The following CELF2 variants were observed in gnomAD, a reference collection of about 807,000 sequenced individuals.
CELF2 encodes CUGBP Elav-like family member 2, also known as CUG triplet repeat RNA-binding protein 2.
A neutral mutation model predicts 62.6 loss-of-function variants in CELF2; 8 were observed. The observed-to-expected ratio is 0.13, with a 90% CI of 0.07 to 0.23. CELF2 has a LOEUF of 0.23. Among genes scored for constraint, CELF2 ranks in the 10% least tolerant of loss-of-function variants. The pLI is 1.00. For synonymous variants in CELF2, 258 were observed against 250.0 expected, an observed-to-expected ratio of 1.03 and a Z score of -0.30; for missense variants, 333 against 671.0, an observed-to-expected ratio of 0.50 and a Z score of 5.56.
At chr10:10,637,498 C>T in the CELF2 span, among the ~76,000 whole-genome samples, 1 of 152,136 alleles carries the variant, frequency 6.6e-6, no homozygotes, top group African/African-American at 2.4e-5. Context: ...TCACGTCAGC[C>T]CTGGCTCTAG....
chr10:11,193,906 T>A (rs938959472), intron 2 of CELF2, among the ~76,000 whole-genome samples: 3 of 152,146 alleles, frequency 2.0e-5, no homozygotes, highest in Non-Finnish European at 4.4e-5. Context: ...GGTCCGGTCA[T>A]CTTCATTTTC....
the CELF2 span, among the ~76,000 whole-genome samples, chr10:10,772,403 G>T: frequency 6.6e-6 from 1 of 152,116 alleles, no homozygotes; most frequent in Non-Finnish European, 1.5e-5. Context: ...CAGTGTAAAT[G>T]GATACTTTTT....
At chr10:10,619,616 G>T in the CELF2 span, among the ~76,000 whole-genome samples, 2 of 152,144 alleles carry the variant, frequency 1.3e-5, no homozygotes, top group African/African-American at 4.8e-5. Context: ...CCTGGCCCTT[G>T]CCTGCCCTGG....
At chr10:11,044,418 A>G (rs1054216833) in intron 1 of CELF2, among the ~76,000 whole-genome samples, 2 of 152,032 alleles carry the variant, frequency 1.3e-5, no homozygotes, top group African/African-American at 4.8e-5. Flanking sequence ...TTTGCTGCCA[A>G]CCTATTTTGG....
At chr10:10,979,076 C>G (rs1457058527) in intron 2 of CELF2, among the ~76,000 whole-genome samples, 2 of 152,160 alleles carry the variant, frequency 1.3e-5, no homozygotes, top group East Asian at 3.9e-4. Flanking sequence ...ACCCCTGCCT[C>G]TCATTCTCTG....
chr10:10,515,513 C>T, the CELF2 span, among the ~76,000 whole-genome samples: 1 of 152,064 alleles, frequency 6.6e-6, no homozygotes, highest in Non-Finnish European at 1.5e-5. Context: ...GGTAAAAGAC[C>T]GAGTGATCCT....
At chr10:10,670,846 C>G in the CELF2 span, among the ~76,000 whole-genome samples, 2 of 151,992 alleles carry the variant, frequency 1.3e-5, no homozygotes, top group South Asian at 4.1e-4. Context: ...CAGTCTGTAG[C>G]CTTTTCAAAT....
intron 1 of CELF2, among the ~76,000 whole-genome samples, chr10:11,120,418 C>A (rs2057497247): frequency 6.6e-6 from 1 of 152,140 alleles, no homozygotes; most frequent in Admixed American, 6.6e-5. Flanking sequence ...TTGCATTTCA[C>A]CTGTTTCTAT....
At position 11,333,223 on chromosome 10, in the gene CELF2, T is replaced by TC. The variant is rs1169300338; in HGVS notation, c.*4170_*4171insC. ...AGAGAGGACATGAGGGGGAAAGTCC[T>TC]TTTTGCCCTTCTCCAAAAAATAACC... On this transcript the variant is annotated 3_prime_UTR_variant, in exon 13 of 13. Transcript: ENST00000633077. 3 of 344 alleles carry TC rather than the reference T, an allele frequency of 8.7e-3. No homozygotes were observed. Among genetic ancestry groups the TC allele is most frequent in the African/African-American group, 0.043 (2 of 46 alleles). 0.0% of individuals were successfully genotyped at this position (344 alleles called of 1,614,324 possible).
chr10:11,130,634 C>T (rs1044820267), intron 1 of CELF2, among the ~76,000 whole-genome samples: 3 of 152,296 alleles, frequency 2.0e-5, no homozygotes, highest in Admixed American at 2.0e-4. Flanking sequence ...TTTTTGAGAG[C>T]ACAATCTATC....
rs2083455084 is a variant in CELF2 at position 11,270,533 on chromosome 10, A to C, written c.619-133A>C. ...CTATTCAGAGAAGAAGGAATATCAA[A>C]CCGTTTTAAACCATTTCAGCCCATT... On this transcript the variant is annotated intron_variant, in intron 6 of 12. Coordinates refer to ENST00000633077, the MANE Select transcript of CELF2 (RefSeq NM_001326342.2). This position sits in a 1 kb window ranked among gnomAD's most constrained non-coding sequence, Gnocchi z 5.8. The C allele has an allele frequency of 1.4e-6, 1 of 697,548 alleles. No individual in the cohort carries two copies. Among genetic ancestry groups the C allele is most frequent in the Non-Finnish European group, 2.2e-6 (1 of 464,270 alleles). 43.2% of individuals were successfully genotyped at this position (697,548 alleles called of 1,614,324 possible).
intron 2 of CELF2, among the ~76,000 whole-genome samples, chr10:11,175,664 G>A (rs768219555): frequency 1.3e-5 from 2 of 152,190 alleles, no homozygotes; most frequent in Non-Finnish European, 2.9e-5. Context: ...TTAATGCAGA[G>A]CCCTTTTGTA....
intron 1 of CELF2, among the ~76,000 whole-genome samples, chr10:11,108,536 G>A (rs1336726651): frequency 6.6e-6 from 1 of 152,122 alleles, no homozygotes; most frequent in African/African-American, 2.4e-5. Context: ...CCATAGTGCT[G>A]CAGTGAATGC....
upstream of CELF2, among the ~76,000 whole-genome samples, chr10:10,797,307 C>G (rs768789920): frequency 6.2e-4 from 95 of 152,144 alleles, no homozygotes; most frequent in Non-Finnish European, 1.2e-3. Context: ...TTTCAGTCTT[C>G]CCTCTTCCTT....
chr10:10,695,134 G>A, the CELF2 span, among the ~76,000 whole-genome samples: 39 of 149,782 alleles, frequency 2.6e-4, 2 homozygotes, highest in African/African-American at 7.0e-4. Flanking sequence ...TGATTTTGCA[G>A]CGGCTGGTAC....
chr10:11,004,821 C>T (rs184418103), upstream of CELF2, among the ~76,000 whole-genome samples: 59 of 152,214 alleles, frequency 3.9e-4, no homozygotes, highest in African/African-American at 1.3e-3. This position sits in a 1 kb window ranked among gnomAD's most constrained non-coding sequence, Gnocchi z 5.0. Flanking sequence ...GAGGACAAGA[C>T]AAGAGGAGCA....
rs1485849513 is a variant in CELF2 at position 11,335,858 on chromosome 10, G to C, written c.*6805G>C. The C allele has an allele frequency of 6.6e-6, 1 of 152,194 alleles. No individual in the cohort carries two copies. The highest frequency in any genetic ancestry group is 2.1e-4 in the South Asian group (1 of 4,834). 9.4% of individuals were successfully genotyped at this position (152,194 alleles called of 1,614,324 possible). ...CTCATGCTAAGCAAAGGAAGAGAAA[G>C]ACAAAGCCAGTTTTTGTTGCTTTTC... On this transcript the variant is annotated 3_prime_UTR_variant, in exon 13 of 13. Coordinates refer to ENST00000633077, the MANE Select transcript of CELF2 (RefSeq NM_001326342.2). The surrounding 1 kb of genome is among the most constrained non-coding windows in gnomAD (Gnocchi z 5.0).
At chr10:10,942,032 T>C (rs1474350168) in intron 2 of CELF2, among the ~76,000 whole-genome samples, 1 of 151,368 alleles carries the variant, frequency 6.6e-6, no homozygotes, top group Non-Finnish European at 1.5e-5. Context: ...ATAATCTTCA[T>C]AACATCATGT....
At chr10:10,908,129 G>C (rs1190579764) in intron 1 of CELF2, among the ~76,000 whole-genome samples, 2 of 151,442 alleles carry the variant, frequency 1.3e-5, no homozygotes, top group Non-Finnish European at 2.9e-5. Context: ...GCTGCTTCCT[G>C]ACCCTCGGGG....
Sources: allele counts gnomAD v4.1 joint callset (sites outside exome capture counted in the v4.1 genomes callset), GRCh38; gene constraint gnomAD v4.1.1; non-coding constraint Gnocchi (gnomAD v3.1); transcripts MANE v1.5; gene names NCBI Gene and HGNC (gene_info 2026-07-23, HGNC 2026-07-21).